PARD3: variants seen among roughly 807,000 people sequenced by gnomAD.
PARD3 encodes the protein partitioning defective 3 homolog.
Under a neutral mutation model 155.4 loss-of-function variants are expected in PARD3, and 75 were observed. That is an observed-to-expected ratio of 0.48 (90% confidence interval 0.40 to 0.58). PARD3 has a LOEUF of 0.58. Among genes scored for constraint, PARD3 ranks in the 20% least tolerant of loss-of-function variants. PARD3 has a pLI of 0.00. For synonymous variants in PARD3, 576 were observed against 610.5 expected, an observed-to-expected ratio of 0.94 and a Z score of 0.83; for missense variants, 1,642 against 1,721.7, an observed-to-expected ratio of 0.95 and a Z score of 0.82.
chr10:34,760,133 A>T (rs928784907), intron 1 of PARD3, among the ~76,000 whole-genome samples: 1 of 152,092 alleles, frequency 6.6e-6, no homozygotes, highest in Non-Finnish European at 1.5e-5. Flanking sequence ...TCTGGTTTTT[A>T]TGTCTCTGTG....
At chr10:34,246,973 G>A (rs1241866523) in intron 22 of PARD3, among the ~76,000 whole-genome samples, 1 of 152,080 alleles carries the variant, frequency 6.6e-6, no homozygotes, top group Non-Finnish European at 1.5e-5. Flanking sequence ...TGTAGTCCCA[G>A]CTACTCAGGA....
chr10:34,323,919 T>C (rs1298940498), intron 19 of PARD3, among the ~76,000 whole-genome samples: 1 of 152,226 alleles, frequency 6.6e-6, no homozygotes, highest in Non-Finnish European at 1.5e-5. Context: ...CAATTTAAAA[T>C]GAAGCTGAAG....
chr10:34,489,871 C>T (rs1182788578), intron 3 of PARD3, among the ~76,000 whole-genome samples: 3 of 152,160 alleles, frequency 2.0e-5, no homozygotes, highest in African/African-American at 7.2e-5. Context: ...TTATTATTCC[C>T]ATTTTATAGG....
chr10:34,141,827 G>C (rs1948203554), intron 22 of PARD3, among the ~76,000 whole-genome samples: 1 of 152,110 alleles, frequency 6.6e-6, no homozygotes, highest in Admixed American at 6.6e-5. Flanking sequence ...GAAAGCCCTA[G>C]GTAGCTGATC....
intron 2 of PARD3, among the ~76,000 whole-genome samples, chr10:34,556,624 C>CT (rs2085020338): frequency 6.6e-6 from 1 of 152,084 alleles, no homozygotes; most frequent in Admixed American, 6.5e-5. Flanking sequence ...CCTCGTGATC[C>CT]GCCCGCCTCA....
intron 1 of PARD3, among the ~76,000 whole-genome samples, chr10:34,704,013 T>C (rs551906074): frequency 6.6e-6 from 1 of 152,242 alleles, no homozygotes; most frequent in South Asian, 2.1e-4. Flanking sequence ...TGACACAGCA[T>C]ATGAAAACAG....
At chr10:34,689,083 G>A (rs2094001959) in intron 2 of PARD3, among the ~76,000 whole-genome samples, 1 of 152,132 alleles carries the variant, frequency 6.6e-6, no homozygotes, top group South Asian at 2.1e-4. Context: ...GCATCCAGGG[G>A]ATATTCACAA....
chr10:34,131,555 G>A lies in PARD3; in HGVS notation c.3448C>T (p.Arg1150Trp), dbSNP rs762411737. ...SNRSTPSNHD[R>W]IQRLRQEFQQ... ...AATTCTTGCCTCAGACGCTGTATCCGATCATGATTGCTAGGAGTTGATCTG... is the reference window on the plus strand; with the variant it reads ...AATTCTTGCCTCAGACGCTGTATCCAATCATGATTGCTAGGAGTTGATCTG... Residue 1150 changes from arginine to tryptophan, a missense_variant, in exon 23 of 25, where the codon CGG (arginine) becomes TGG (tryptophan). Arg to Trp is a moderately radical substitution (Grantham distance 101). Transcript: ENST00000374788. The A allele has an allele frequency of 3.7e-6, 6 of 1,613,304 alleles. No homozygotes were observed. Among genetic ancestry groups the A allele is most frequent in the South Asian group, 2.2e-5 (2 of 91,048 alleles).
intron 15 of PARD3, chr10:34,343,594 T>C: frequency 1.0e-6 from 1 of 985,346 alleles, no homozygotes; most frequent in Non-Finnish European, 1.2e-6. Flanking sequence ...TTGCCAGGAA[T>C]ATAGTTTTGG....
At chr10:34,710,147 G>A (rs1459133100) in intron 1 of PARD3, among the ~76,000 whole-genome samples, 3 of 152,136 alleles carry the variant, frequency 2.0e-5, no homozygotes, top group Non-Finnish European at 2.9e-5. Flanking sequence ...TATAACAATA[G>A]AGAATGGGAA....
At chr10:34,208,276 G>A (rs1032082601) in intron 22 of PARD3, among the ~76,000 whole-genome samples, 5 of 152,184 alleles carry the variant, frequency 3.3e-5, no homozygotes, top group East Asian at 1.9e-4. Context: ...GTATTTCAGC[G>A]AAGAAAAGTA....
At chr10:34,250,945 A>C (rs1954270765) in intron 22 of PARD3, among the ~76,000 whole-genome samples, 1 of 152,206 alleles carries the variant, frequency 6.6e-6, no homozygotes, top group South Asian at 2.1e-4. Context: ...AAGCTCTGAG[A>C]GAATCTGACT....
chr10:34,152,772 C>T (rs1564436501), intron 22 of PARD3, among the ~76,000 whole-genome samples: 1 of 141,646 alleles, frequency 7.1e-6, no homozygotes, highest in Non-Finnish European at 1.6e-5. Flanking sequence ...TTTTCCCATG[C>T]AGACAACTGG....
At chr10:34,198,493 T>C (rs1439267847) in intron 22 of PARD3, among the ~76,000 whole-genome samples, 1 of 151,950 alleles carries the variant, frequency 6.6e-6, no homozygotes, top group Non-Finnish European at 1.5e-5. Context: ...TGTGTATGTG[T>C]GTGTGTGTCT....
intron 22 of PARD3, among the ~76,000 whole-genome samples, chr10:34,249,346 T>C (rs187959966): frequency 1.3e-5 from 2 of 152,310 alleles, no homozygotes; most frequent in Admixed American, 6.5e-5. Context: ...ACAAATTTAT[T>C]CCTTAACATT....
At chr10:34,400,118 C>G (rs2132181968) in intron 6 of PARD3, among the ~76,000 whole-genome samples, 1 of 152,314 alleles carries the variant, frequency 6.6e-6, no homozygotes, top group African/African-American at 2.4e-5. Flanking sequence ...TACTGCAAAT[C>G]AAATAATTTT....
chr10:34,227,854 T>TATATATATATATATATATATATATATA (rs1952683542), intron 22 of PARD3, among the ~76,000 whole-genome samples: 5 of 26,502 alleles, frequency 1.9e-4, no homozygotes, highest in Admixed American at 5.8e-4. Context: ...GGGAATTATT[T>TATATATATATATATATATATATATATA]TTTATATATA....
chr10:34,340,890 G>T (rs965704859), intron 16 of PARD3, among the ~76,000 whole-genome samples: 9 of 152,042 alleles, frequency 5.9e-5, no homozygotes, highest in Non-Finnish European at 1.2e-4. Flanking sequence ...CCCAGAGAAA[G>T]GGCAATGAGA....
intron 23 of PARD3, among the ~76,000 whole-genome samples, chr10:34,126,818 G>GAAAAA (rs550942430): frequency 2.7e-5 from 2 of 73,384 alleles, no homozygotes; most frequent in African/African-American, 4.7e-5. Flanking sequence ...TCTTGAAAAT[G>GAAAAA]AAAAAAAAAA....
Sources: gnomAD v4.1 joint callset for allele counts (sites outside exome capture counted in the v4.1 genomes callset) on GRCh38, gnomAD v4.1.1 for gene constraint, MANE v1.5 for transcripts, NCBI Gene and HGNC (gene_info 2026-07-23, HGNC 2026-07-21) for gene names.